Variants in SLC35F4 observed in about 807,000 individuals in gnomAD.
SLC35F4 encodes chromosome 14 open reading frame 36.
Under a neutral mutation model 44.2 loss-of-function variants are expected in SLC35F4, and 24 were observed. The ratio of observed to expected loss-of-function variants is 0.54; its 90% CI spans 0.39 to 0.76. The LOEUF (loss-of-function observed/expected upper bound fraction) is 0.76. Ranked by LOEUF, SLC35F4 falls within the 30% of genes least tolerant of loss-of-function variation. The pLI, the probability that SLC35F4 is intolerant of heterozygous loss-of-function variation, is 0.00. For synonymous variants in SLC35F4, 238 were observed against 223.6 expected (o/e 1.06, Z -0.57); for missense variants, 562 against 586.1 (o/e 0.96, Z 0.42).
At chr14:57,858,698 A>G (rs1411425245) in intron 1 of SLC35F4, among the ~76,000 whole-genome samples, 1 of 147,472 alleles carries the variant, frequency 6.8e-6, no homozygotes, top group South Asian at 2.1e-4. Context: ...AAGGAGGAAA[A>G]AAAAGAATTA....
intron 1 of SLC35F4, among the ~76,000 whole-genome samples, chr14:57,886,618 C>T (rs1006885014): frequency 1.3e-5 from 2 of 152,058 alleles, no homozygotes; most frequent in Non-Finnish European, 2.9e-5. Context: ...AAAGGAGTTC[C>T]CCTGAAGAAT....
chr14:57,927,751 A>G (rs1889609573), intron 1 of SLC35F4, among the ~76,000 whole-genome samples: 1 of 152,016 alleles, frequency 6.6e-6, no homozygotes, highest in African/African-American at 2.4e-5. Flanking sequence ...TCAGCCTCCA[A>G]AAGTGCTGGG....
intron 1 of SLC35F4, among the ~76,000 whole-genome samples, chr14:57,761,727 A>G (rs529815121): frequency 6.6e-6 from 1 of 152,322 alleles, no homozygotes; most frequent in African/African-American, 2.4e-5. Flanking sequence ...TTTTCCTTAA[A>G]TAAAGCATAA....
At chr14:57,652,121 G>A (rs1198168596) in intron 1 of SLC35F4, among the ~76,000 whole-genome samples, 1 of 152,214 alleles carries the variant, frequency 6.6e-6, no homozygotes, top group African/African-American at 2.4e-5. Context: ...ATTTTAAATG[G>A]AATGTGATGT....
intron 1 of SLC35F4, among the ~76,000 whole-genome samples, chr14:57,638,699 C>T (rs2073107279): frequency 6.6e-6 from 1 of 152,052 alleles, no homozygotes; most frequent in South Asian, 2.1e-4. Flanking sequence ...CCTTCTGATA[C>T]AAGGAAGGCT....
chr14:57,773,765 TGA>T (rs897188499), intron 1 of SLC35F4, among the ~76,000 whole-genome samples: 41 of 152,280 alleles, frequency 2.7e-4, no homozygotes, highest in African/African-American at 9.9e-4. Context: ...CAGGTTACTG[TGA>T]AAGTACAGTC....
At chr14:57,779,411 C>T (rs929319894) in intron 1 of SLC35F4, among the ~76,000 whole-genome samples, 10 of 152,126 alleles carry the variant, frequency 6.6e-5, no homozygotes, top group African/African-American at 2.4e-4. Flanking sequence ...TGGGTACATA[C>T]GCCCTCCCAA....
intron 4 of SLC35F4, among the ~76,000 whole-genome samples, chr14:57,573,574 T>C (rs1272021802): frequency 6.6e-6 from 1 of 152,176 alleles, no homozygotes; most frequent in East Asian, 1.9e-4. Flanking sequence ...GGGGGTTATC[T>C]AGACCTGGAT....
intron 1 of SLC35F4, among the ~76,000 whole-genome samples, chr14:57,782,043 C>T (rs2077633836): frequency 6.6e-6 from 1 of 152,194 alleles, no homozygotes; most frequent in Non-Finnish European, 1.5e-5. Flanking sequence ...CAAACCTGCA[C>T]ATGTACCCCT....
At chr14:57,708,493 T>C (rs1426939623) in intron 1 of SLC35F4, among the ~76,000 whole-genome samples, 7 of 152,192 alleles carry the variant, frequency 4.6e-5, no homozygotes, top group East Asian at 1.9e-4. Context: ...GGTGAACCCA[T>C]TGGACAGTTA....
chr14:57,668,839 T>C (rs1251790437), intron 1 of SLC35F4, among the ~76,000 whole-genome samples: 5 of 152,150 alleles, frequency 3.3e-5, no homozygotes, highest in Non-Finnish European at 7.3e-5. Flanking sequence ...ATATGAACTT[T>C]AAAGTAGTTT....
At chr14:57,610,236 A>T (rs2071412508) in intron 1 of SLC35F4, among the ~76,000 whole-genome samples, 2 of 152,184 alleles carry the variant, frequency 1.3e-5, no homozygotes, top group African/African-American at 4.8e-5. Flanking sequence ...AAACAGGTAA[A>T]TTATAACCCA....
intron 1 of SLC35F4, among the ~76,000 whole-genome samples, chr14:57,799,212 C>G (rs1174833222): frequency 2.0e-5 from 3 of 152,154 alleles, no homozygotes; most frequent in Non-Finnish European, 4.4e-5. Flanking sequence ...GCCAAAGAAA[C>G]CCCCACCCCC....
chr14:57,834,959 G>A (rs1341109317), intron 1 of SLC35F4, among the ~76,000 whole-genome samples: 3 of 152,182 alleles, frequency 2.0e-5, no homozygotes, highest in African/African-American at 7.2e-5. Context: ...AACCCAGAAG[G>A]CAGAGATTGC....
chr14:57,797,676 A>G (rs1887269387), intron 1 of SLC35F4, among the ~76,000 whole-genome samples: 1 of 152,224 alleles, frequency 6.6e-6, no homozygotes, highest in Non-Finnish European at 1.5e-5. Context: ...AAAAATGCAC[A>G]GAAAAGACCA....
chr14:57,573,781 G>A (rs1327032018), intron 4 of SLC35F4, among the ~76,000 whole-genome samples: 2 of 152,154 alleles, frequency 1.3e-5, no homozygotes, highest in East Asian at 3.9e-4. Flanking sequence ...ACTGGTTAGT[G>A]TTCATGTGCA....
chr14:57,669,154 T>C (rs1436114427), intron 1 of SLC35F4, among the ~76,000 whole-genome samples: 2 of 152,092 alleles, frequency 1.3e-5, no homozygotes. Context: ...TGTATAAGAC[T>C]GCTTGTGATT....
intron 1 of SLC35F4, among the ~76,000 whole-genome samples, chr14:57,793,021 G>C (rs1468266386): frequency 6.6e-6 from 1 of 151,688 alleles, no homozygotes; most frequent in Non-Finnish European, 1.5e-5. Flanking sequence ...CAAAATTAAG[G>C]GGTGTAACTT....
intron 1 of SLC35F4, among the ~76,000 whole-genome samples, chr14:57,853,061 C>T (rs1321899402): frequency 2.6e-5 from 4 of 152,192 alleles, no homozygotes; most frequent in African/African-American, 4.8e-5. Flanking sequence ...TCCTCAATTA[C>T]TGTACATTGA....
Sources: gnomAD v4.1 joint callset for allele counts (sites outside exome capture counted in the v4.1 genomes callset) on GRCh38, gnomAD v4.1.1 for gene constraint, MANE v1.5 for transcripts, NCBI Gene and HGNC (gene_info 2026-07-23, HGNC 2026-07-21) for gene names.